MYO16: variants seen among roughly 807,000 people sequenced by gnomAD.
The protein encoded by MYO16 is myosin XVI, also known as unconventional myosin-XVI.
MYO16 carries 94 observed loss-of-function variants against 205.3 expected under a neutral mutation model. The ratio of observed to expected loss-of-function variants is 0.46; its 90% CI spans 0.39 to 0.54. The LOEUF (loss-of-function observed/expected upper bound fraction) is 0.54. Ranked by LOEUF, MYO16 falls within the 20% of genes least tolerant of loss-of-function variation. The pLI is 0.00. For synonymous variants in MYO16, 988 were observed against 954.0 expected (o/e 1.04, Z -0.66); for missense variants, 2,315 against 2,387.5 (o/e 0.97, Z 0.63).
intron 8 of MYO16, among the ~76,000 whole-genome samples, chr13:108,820,820 G>C (rs183915218): frequency 7.9e-5 from 12 of 152,196 alleles, no homozygotes; most frequent in Non-Finnish European, 1.5e-4. Context: ...TATCTGTGCA[G>C]ATATTTAAAC....
At chr13:108,947,595 A>G (rs1450007371) in intron 16 of MYO16, among the ~76,000 whole-genome samples, 1 of 152,178 alleles carries the variant, frequency 6.6e-6, no homozygotes, top group East Asian at 1.9e-4. Context: ...TGCTGGACAC[A>G]AGGCTCGGGG....
the MYO16 span, among the ~76,000 whole-genome samples, chr13:108,561,062 C>T: frequency 6.6e-6 from 1 of 152,152 alleles, no homozygotes; most frequent in Non-Finnish European, 1.5e-5. Context: ...ACTCATGATG[C>T]ATATACAAGG....
At chr13:108,887,569 T>G (rs9521085) in intron 13 of MYO16, among the ~76,000 whole-genome samples, 113,624 of 152,064 alleles carry the variant, frequency 0.75, 42,679 homozygotes, top group East Asian at 0.97. Context: ...TTTACCATTT[T>G]TAAAAATTGG....
intron 27 of MYO16, among the ~76,000 whole-genome samples, chr13:109,080,140 G>A (rs1434070532): frequency 6.6e-6 from 1 of 152,050 alleles, no homozygotes; most frequent in Non-Finnish European, 1.5e-5. Context: ...CTCCCAAAGT[G>A]CTGGGATTAC....
intron 4 of MYO16, among the ~76,000 whole-genome samples, chr13:108,754,828 T>A (rs1476194862): frequency 2.0e-5 from 3 of 152,160 alleles, no homozygotes; most frequent in Non-Finnish European, 2.9e-5. Flanking sequence ...ATTTACAGTG[T>A]ACATGGTATT....
At chr13:108,558,555 A>G in the MYO16 span, among the ~76,000 whole-genome samples, 1 of 152,286 alleles carries the variant, frequency 6.6e-6, no homozygotes, top group South Asian at 2.1e-4. Flanking sequence ...TCCCTGAGGG[A>G]AGTGAGGAGA....
chr13:108,874,727 A>G (rs529795331), intron 12 of MYO16, among the ~76,000 whole-genome samples: 1 of 142,572 alleles, frequency 7.0e-6, no homozygotes, highest in African/African-American at 2.5e-5. Flanking sequence ...TATTATTATT[A>G]TTATTATTAT....
At position 108,643,792 on chromosome 13, in the gene MYO16, C is replaced by T. The variant is rs533095743; in HGVS notation, c.28+13920C>T. 2.6e-4 allele frequency among the ~76,000 whole-genome samples: 40 copies of T among 152,194 alleles called. No individual in the cohort carries two copies. In the South Asian group the frequency reaches 5.8e-3, roughly 22 times the overall value. On this transcript the variant is annotated intron_variant, in intron 1 of 34. Transcript: ENST00000457511. ...GACAAGTTTGTTTGTTTTGCATGGGCGCGTGGTTTTATTTGCCTCAGGTAA... is the reference window on the plus strand; with the variant it reads ...GACAAGTTTGTTTGTTTTGCATGGGTGCGTGGTTTTATTTGCCTCAGGTAA...
intron 12 of MYO16, among the ~76,000 whole-genome samples, chr13:108,876,914 C>G (rs372470900): frequency 6.6e-6 from 1 of 152,146 alleles, no homozygotes; most frequent in East Asian, 1.9e-4. Flanking sequence ...GATCTGCTCA[C>G]CTCAGTCCCC....
intron 5 of MYO16, among the ~76,000 whole-genome samples, chr13:108,792,631 C>A (rs1452383642): frequency 1.3e-5 from 2 of 151,612 alleles, no homozygotes; most frequent in African/African-American, 4.8e-5. Flanking sequence ...TCTGCCTCAG[C>A]CTCTCGAGTA....
chr13:109,107,841 A>ATATTATATTATATTATATTATAT lies in MYO16; in HGVS notation c.3438+6957_3438+6958insTATATTATATTATATTATATTAT, dbSNP rs370218945. Among the ~76,000 whole-genome samples the ATATTATATTATATTATATTATAT allele has an allele frequency of 1.1e-3, 159 of 148,574 alleles. 1 individual carries two copies. In the Middle Eastern group the frequency reaches 0.011, roughly 10 times the overall value. On this transcript the variant is annotated intron_variant, in intron 28 of 34. Transcript: ENST00000457511. ...ATATTATATTATATTATATTATATT[A>ATATTATATTATATTATATTATAT]TATGTGTGTGTGTCTGTGTGTGTGT... is the stretch of plus-strand genomic sequence containing the variant.
At position 108,962,472 on chromosome 13, in the gene MYO16, C is replaced by T; in HGVS notation, c.2204C>T (p.Thr735Ile). The part of the protein sequence containing the change: ...VSTDELASAL[T>I]TDIQYFKGDM... ...ACAGATGAATTGGCATCTGCCTTAA[C>T]AACTGATATTCAATATTTTAAAGGT... Residue 735 changes from threonine (T) to isoleucine (I), a missense_variant, in exon 19 of 35, where the codon ACA (threonine) becomes ATA (isoleucine). Around this residue, in one of 3 missense-constraint regions of MYO16, gnomAD observed 1,213 missense variants for 1,274.4 expected, o/e 0.95. Coordinates refer to ENST00000457511, the MANE Select transcript of MYO16 (RefSeq NM_001198950.3). The T allele has an allele frequency of 2.5e-6, 4 of 1,588,958 alleles. No homozygotes were observed. Among genetic ancestry groups the T allele is most frequent in the Non-Finnish European group, 3.4e-6 (4 of 1,172,046 alleles).
intron 27 of MYO16, among the ~76,000 whole-genome samples, chr13:109,074,848 C>G (rs1888040815): frequency 6.6e-6 from 1 of 152,324 alleles, no homozygotes; most frequent in Middle Eastern, 3.4e-3. Context: ...TCAACCAGGT[C>G]CCTTCCCCAA....
Position 109,140,679 on chromosome 13 carries a change from G to A in MYO16, c.4467G>A (p.Glu1489=). 6.7e-7 allele frequency: 1 copy of A among 1,483,814 alleles called. No homozygotes were observed. Among genetic ancestry groups the A allele is most frequent in the Non-Finnish European group, 8.9e-7 (1 of 1,120,742 alleles). 91.9% of individuals were successfully genotyped at this position (1,483,814 alleles called of 1,614,324 possible). ...TGCTCCACCGCGCGCCGGAGGACGA[G>A]GCGGCGGGGCCCCCAGGGGACGCGT... ...PPLLHRAPED[E]AAGPPGDACD... The change falls in exon 32 of 35, where the codon GAG becomes GAA. Residue 1489 remains glutamate, a synonymous_variant. Coordinates refer to ENST00000457511, the MANE Select transcript of MYO16 (RefSeq NM_001198950.3). This position sits in a 1 kb window ranked among gnomAD's most constrained non-coding sequence, Gnocchi z 8.0.
At chr13:108,952,101 G>T (rs1424506247) in intron 16 of MYO16, among the ~76,000 whole-genome samples, 3 of 145,868 alleles carry the variant, frequency 2.1e-5, no homozygotes, top group Non-Finnish European at 4.5e-5. Flanking sequence ...AAACGAGTGA[G>T]ACTCCATCTC....
intron 7 of MYO16, among the ~76,000 whole-genome samples, chr13:108,817,085 AG>A (rs1480251033): frequency 6.6e-6 from 1 of 152,034 alleles, no homozygotes; most frequent in Non-Finnish European, 1.5e-5. Context: ...CAAAATTGCC[AG>A]TGAGGATAAA....
At chr13:108,581,878 T>C in the MYO16 span, among the ~76,000 whole-genome samples, 1 of 133,096 alleles carries the variant, frequency 7.5e-6, no homozygotes. Context: ...AAACGCTGTC[T>C]CGAAAAAAAA....
In MYO16 at chr13:108,950,552, G is replaced by A. The variant is rs578046181; in HGVS notation, c.1926-7136G>A. 1.2e-4 allele frequency among the ~76,000 whole-genome samples: 19 copies of A among 152,272 alleles called. No homozygotes were observed. In the South Asian group the frequency reaches 3.7e-3, roughly 30 times the overall value. On this transcript the variant is annotated intron_variant, in intron 16 of 34. Coordinates refer to ENST00000457511, the MANE Select transcript of MYO16 (RefSeq NM_001198950.3). ...AACATTGTGACAGCATCAAATGCTG[G>A]TGAGGATGTGAAGAAACTCACTGCC...
At chr13:108,667,045 C>T (rs1301584706) in intron 2 of MYO16, among the ~76,000 whole-genome samples, 1 of 152,148 alleles carries the variant, frequency 6.6e-6, no homozygotes, top group Non-Finnish European at 1.5e-5. Flanking sequence ...ATCCAAAAAG[C>T]TCCGAAGCCG....
Sources: gnomAD v4.1 joint callset for allele counts (sites outside exome capture counted in the v4.1 genomes callset) on GRCh38, gnomAD v4.1.1 for gene constraint, gnomAD v4.1.1 regional missense constraint, Gnocchi (gnomAD v3.1) non-coding constraint, MANE v1.5 for transcripts, NCBI Gene and HGNC (gene_info 2026-07-23, HGNC 2026-07-21) for gene names.